Variants in MTUS2 observed in about 807,000 individuals in gnomAD.
The protein encoded by MTUS2 is microtubule associated scaffold protein 2.
A neutral mutation model predicts 114.1 loss-of-function variants in MTUS2; 40 were observed. The ratio of observed to expected loss-of-function variants is 0.35; its 90% CI spans 0.27 to 0.46. The LOEUF is 0.46. Among genes scored for constraint, MTUS2 ranks in the 20% least tolerant of loss-of-function variants. MTUS2 has a pLI of 1.00. For synonymous variants in MTUS2, 688 were observed against 672.0 expected (o/e 1.02, Z -0.37); for missense variants, 1,679 against 1,705.4 (o/e 0.98, Z 0.27).
chr13:28,880,954 G>A (rs773703583), intron 2 of MTUS2, among the ~76,000 whole-genome samples: 4 of 152,162 alleles, frequency 2.6e-5, no homozygotes, highest in Non-Finnish European at 5.9e-5. Flanking sequence ...GAAACACAGA[G>A]GACCTAGAAT....
At chr13:28,919,100 G>C (rs1480141987) in intron 2 of MTUS2, among the ~76,000 whole-genome samples, 1 of 152,056 alleles carries the variant, frequency 6.6e-6, no homozygotes, top group Non-Finnish European at 1.5e-5. Flanking sequence ...GGTAAGAGTA[G>C]TTTACACAGC....
intron 3 of MTUS2, among the ~76,000 whole-genome samples, chr13:29,027,734 G>A (rs990620260): frequency 6.6e-6 from 1 of 152,086 alleles, no homozygotes; most frequent in African/African-American, 2.4e-5. Flanking sequence ...TGTATTTTTA[G>A]TAGAGATGGG....
At chr13:28,854,598 T>G (rs571160211) in intron 2 of MTUS2, among the ~76,000 whole-genome samples, 40 of 152,338 alleles carry the variant, frequency 2.6e-4, no homozygotes, top group Non-Finnish European at 4.7e-4. Context: ...CTTTTGCTCA[T>G]GTACCTCTTA....
intron 4 of MTUS2, among the ~76,000 whole-genome samples, chr13:29,046,326 G>A (rs745398703): frequency 6.6e-6 from 1 of 152,078 alleles, no homozygotes; most frequent in African/African-American, 2.4e-5. Flanking sequence ...ATGTTGCCCA[G>A]GCTGGTCTCG....
chr13:28,831,954 G>A (rs1874715808), intron 1 of MTUS2, among the ~76,000 whole-genome samples: 1 of 151,674 alleles, frequency 6.6e-6, no homozygotes, highest in South Asian at 2.1e-4. Flanking sequence ...AGTAGAGACA[G>A]GCTTTCACTA....
chr13:29,495,011 C>A (rs2138994394), intron 12 of MTUS2, among the ~76,000 whole-genome samples: 1 of 151,478 alleles, frequency 6.6e-6, no homozygotes, highest in South Asian at 2.1e-4. Flanking sequence ...ATGGTAAAAC[C>A]CTGTCTCTAC....
At chr13:29,392,324 GTGTT>G (rs1352407889) in intron 8 of MTUS2, among the ~76,000 whole-genome samples, 1 of 152,110 alleles carries the variant, frequency 6.6e-6, no homozygotes, top group Non-Finnish European at 1.5e-5. Flanking sequence ...TGGAATGACA[GTGTT>G]TGTCTGCTTG....
intron 2 of MTUS2, among the ~76,000 whole-genome samples, chr13:28,918,449 C>T (rs905699562): frequency 6.6e-6 from 1 of 151,854 alleles, no homozygotes. Flanking sequence ...CAGTTTTTGT[C>T]TTGAAATCTA....
intron 14 of MTUS2, among the ~76,000 whole-genome samples, chr13:29,500,535 G>A (rs769762663): frequency 3.3e-5 from 5 of 152,152 alleles, no homozygotes. Context: ...CTGCTCTTGC[G>A]CTTTGCATTC....
chr13:28,966,439 C>T (rs140928703), intron 2 of MTUS2, among the ~76,000 whole-genome samples: 9 of 152,188 alleles, frequency 5.9e-5, no homozygotes, highest in African/African-American at 1.4e-4. Context: ...AATTGGCTAT[C>T]GGCTGGGTGC....
chr13:28,836,875 C>T (rs1875122524), intron 1 of MTUS2, among the ~76,000 whole-genome samples: 1 of 152,120 alleles, frequency 6.6e-6, no homozygotes, highest in African/African-American at 2.4e-5. Flanking sequence ...GCAGTGGACA[C>T]CCACAGAAGA....
intron 4 of MTUS2, among the ~76,000 whole-genome samples, chr13:29,071,556 A>G (rs1250111868): frequency 6.7e-6 from 1 of 148,866 alleles, no homozygotes; most frequent in East Asian, 2.0e-4. Context: ...CCTCCTGAGT[A>G]GCTGGGATTA....
At chr13:29,355,138 G>C (rs1337056222) in intron 7 of MTUS2, among the ~76,000 whole-genome samples, 1 of 152,244 alleles carries the variant, frequency 6.6e-6, no homozygotes, top group Non-Finnish European at 1.5e-5. Flanking sequence ...CCTCTGGATA[G>C]GGACTGGATG....
chr13:29,334,665 G>T (rs1900959322), intron 7 of MTUS2, among the ~76,000 whole-genome samples: 1 of 152,138 alleles, frequency 6.6e-6, no homozygotes, highest in Admixed American at 6.5e-5. Flanking sequence ...TGATGAATCT[G>T]CTAATTATGT....
At position 29,026,095 on chromosome 13, in the gene MTUS2, G is replaced by A; in HGVS notation, c.1397G>A (p.Ser466Asn). The A allele has an allele frequency of 6.2e-7, 1 of 1,614,026 alleles. No individual in the cohort carries two copies. The highest frequency in any genetic ancestry group is 8.5e-7 in the Non-Finnish European group (1 of 1,179,896). ...CGGTTGGGCAGTGGGAATAAGGACA[G>A]TGTTATGGTTTTGGTGTTCAATCCT... is the stretch of plus-strand genomic sequence containing the variant. ...ERRLGSGNKD[S>N]VMVLVFNPSV... Residue 466 changes from serine (S) to asparagine (N), a missense_variant, in exon 3 of 16, where the codon AGT (serine) becomes AAT (asparagine). Ser to Asn is a conservative substitution (Grantham distance 46, BLOSUM62 1). Coordinates refer to ENST00000612955, the MANE Select transcript of MTUS2 (RefSeq NM_001033602.4).
intron 8 of MTUS2, among the ~76,000 whole-genome samples, chr13:29,370,779 A>G (rs1043374413): frequency 3.9e-5 from 6 of 152,208 alleles, no homozygotes; most frequent in African/African-American, 1.2e-4. Context: ...TATATTGTCC[A>G]CCAAAATAAA....
At chr13:28,942,294 A>G (rs571290512) in intron 2 of MTUS2, among the ~76,000 whole-genome samples, 6 of 151,958 alleles carry the variant, frequency 3.9e-5, no homozygotes, top group Non-Finnish European at 7.4e-5. Context: ...GCACCCTGCC[A>G]CTCCCCAAGA....
At chr13:29,195,209 A>G (rs1036626376) in intron 5 of MTUS2, among the ~76,000 whole-genome samples, 4 of 151,030 alleles carry the variant, frequency 2.6e-5, no homozygotes, top group South Asian at 2.1e-4. Flanking sequence ...TAACCTGCAC[A>G]TTGTGCACAT....
chr13:29,161,288 G>C (rs1226348094), intron 5 of MTUS2, among the ~76,000 whole-genome samples: 1 of 152,078 alleles, frequency 6.6e-6, no homozygotes, highest in African/African-American at 2.4e-5. Context: ...CTACTGGGGG[G>C]AACTGAGTGT....
Sources: gnomAD v4.1 joint callset for allele counts (sites outside exome capture counted in the v4.1 genomes callset) on GRCh38, gnomAD v4.1.1 for gene constraint, MANE v1.5 for transcripts, NCBI Gene and HGNC (gene_info 2026-07-23, HGNC 2026-07-21) for gene names.